Variants in IL17RD observed in about 807,000 individuals in gnomAD.
IL17RD encodes interleukin 17 receptor D, also known as interleukin-17 receptor D.
A neutral mutation model predicts 80.5 loss-of-function variants in IL17RD; 52 were observed. The ratio of observed to expected loss-of-function variants is 0.65; its 90% CI spans 0.52 to 0.81. The LOEUF is 0.81. Ranked by LOEUF, IL17RD falls within the 40% of genes least tolerant of loss-of-function variation. The probability of loss-of-function intolerance (pLI) is 0.00; values close to 1 mark genes in which losing one functional copy is unlikely to be tolerated. For synonymous variants in IL17RD, 416 were observed against 391.8 expected, an observed-to-expected ratio of 1.06 and a Z score of -0.73; for missense variants, 1,024 against 955.1, an observed-to-expected ratio of 1.07 and a Z score of -0.95.
upstream of IL17RD, among the ~76,000 whole-genome samples, chr3:57,167,987 C>T (rs1333648621): frequency 2.0e-5 from 3 of 152,106 alleles, no homozygotes; most frequent in Non-Finnish European, 2.9e-5. Flanking sequence ...CGCAACACTG[C>T]ACCCAGCTAA....
intron 1 of IL17RD, among the ~76,000 whole-genome samples, chr3:57,129,281 G>C (rs1052099718): frequency 2.6e-5 from 4 of 152,124 alleles, no homozygotes; most frequent in African/African-American, 9.7e-5. Flanking sequence ...GCCGTGAAAG[G>C]AACAGTTACA....
At chr3:57,120,731 G>A (rs1372631647) in intron 1 of IL17RD, among the ~76,000 whole-genome samples, 7 of 152,258 alleles carry the variant, frequency 4.6e-5, no homozygotes, top group African/African-American at 9.6e-5. Context: ...ATTAAGCCAC[G>A]ACAGATAGGC....
At chr3:57,132,928 C>A (rs969267866) in intron 1 of IL17RD, among the ~76,000 whole-genome samples, 1 of 152,024 alleles carries the variant, frequency 6.6e-6, no homozygotes, top group Non-Finnish European at 1.5e-5. Context: ...ATGGTATTTG[C>A]GGTCAACACA....
At chr3:57,129,547 T>C (rs1308630927) in intron 1 of IL17RD, among the ~76,000 whole-genome samples, 1 of 152,226 alleles carries the variant, frequency 6.6e-6, no homozygotes, top group African/African-American at 2.4e-5. Context: ...TCTGGAATTC[T>C]GCTTTTACAG....
upstream of IL17RD, among the ~76,000 whole-genome samples, chr3:57,169,782 G>T (rs2060361790): frequency 6.6e-6 from 1 of 152,132 alleles, no homozygotes; most frequent in Admixed American, 6.5e-5. Flanking sequence ...GGTTTCCCAG[G>T]CTTTGGAGGG....
At chr3:57,155,295 G>A (rs918981289) in intron 1 of IL17RD, among the ~76,000 whole-genome samples, 1 of 152,208 alleles carries the variant, frequency 6.6e-6, no homozygotes, top group Non-Finnish European at 1.5e-5. Flanking sequence ...TGCTTAGTTA[G>A]TGCTTAGCAG....
chr3:57,169,739 T>C (rs1457296798), upstream of IL17RD, among the ~76,000 whole-genome samples: 1 of 152,218 alleles, frequency 6.6e-6, no homozygotes, highest in Non-Finnish European at 1.5e-5. Context: ...ACTGTACCCC[T>C]GACCCCAGTC....
upstream of IL17RD, among the ~76,000 whole-genome samples, chr3:57,168,706 G>A (rs765098605): frequency 6.6e-6 from 1 of 152,032 alleles, no homozygotes; most frequent in Non-Finnish European, 1.5e-5. Context: ...TGTTGTTGTT[G>A]TTTTTGTTGT....
chr3:57,153,621 C>T (rs974681012), intron 1 of IL17RD, among the ~76,000 whole-genome samples: 4 of 152,136 alleles, frequency 2.6e-5, no homozygotes, highest in African/African-American at 7.2e-5. Flanking sequence ...TGTAGCAAAA[C>T]GTTATGAATT....
At chr3:57,102,139 A>G (rs999652325) in intron 10 of IL17RD, among the ~76,000 whole-genome samples, 1 of 152,168 alleles carries the variant, frequency 6.6e-6, no homozygotes, top group African/African-American at 2.4e-5. Context: ...ATGGTGGTGC[A>G]TGCCTGTAGT....
Position 57,106,027 on chromosome 3 carries a change from C to A in IL17RD, c.596-19G>T, listed in dbSNP as rs762646607. The stretch of plus-strand genomic sequence containing the variant: ...TTCCAGACTGGAAGAAGGTAGGACC[C>A]AGAGTGAGCAACCAGAGGCTACCCT... On this transcript the variant is annotated intron_variant, in intron 6 of 12. Transcript: ENST00000296318. 2 of 1,613,622 alleles carry A rather than the reference C, an allele frequency of 1.2e-6. No homozygotes were observed. The highest frequency in any genetic ancestry group is 3.3e-5 in the Admixed American group (2 of 60,000).
intron 12 of IL17RD, among the ~76,000 whole-genome samples, chr3:57,097,322 T>C (rs188940616): frequency 1.3e-5 from 2 of 152,216 alleles, no homozygotes; most frequent in Admixed American, 1.3e-4. Flanking sequence ...TTTTTGGAGT[T>C]TAGAAAAGTG....
At chr3:57,123,769 C>T (rs1363901827) in intron 1 of IL17RD, among the ~76,000 whole-genome samples, 5 of 152,176 alleles carry the variant, frequency 3.3e-5, no homozygotes, top group South Asian at 2.1e-4. Context: ...TTTGGCTGCG[C>T]GTGGTGGCTC....
chr3:57,117,465 C>T (rs1219181009), intron 2 of IL17RD, among the ~76,000 whole-genome samples: 1 of 152,126 alleles, frequency 6.6e-6, no homozygotes, highest in Non-Finnish European at 1.5e-5. Context: ...TTGGGCATAC[C>T]ACCTCAGAAT....
At chr3:57,167,282 G>A (rs1352454130), upstream of IL17RD, among the ~76,000 whole-genome samples, 2 of 152,022 alleles carry the variant, frequency 1.3e-5, no homozygotes, top group Non-Finnish European at 2.9e-5. Context: ...TCAGACACCA[G>A]AATAGCTAGG....
chr3:57,149,965 A>T (rs1373729691), intron 1 of IL17RD, among the ~76,000 whole-genome samples: 5 of 152,210 alleles, frequency 3.3e-5, no homozygotes, highest in Non-Finnish European at 4.4e-5. Flanking sequence ...ATATATATGT[A>T]TGTATCCACT....
chr3:57,109,717 T>A, intron 4 of IL17RD, 60 bp from the exon 5 acceptor site: 1 of 1,559,436 alleles, frequency 6.4e-7, no homozygotes, highest in South Asian at 1.2e-5. Flanking sequence ...TCCACCTTCA[T>A]AAGGTCTTCG....
At chr3:57,149,230 A>C (rs573363964) in intron 1 of IL17RD, among the ~76,000 whole-genome samples, 10 of 151,782 alleles carry the variant, frequency 6.6e-5, no homozygotes, top group African/African-American at 9.7e-5. Context: ...CAGGAGGTGG[A>C]AGTTGAAGTG....
intron 11 of IL17RD, among the ~76,000 whole-genome samples, chr3:57,099,813 G>A (rs1470201808): frequency 6.6e-6 from 1 of 152,084 alleles, no homozygotes; most frequent in Non-Finnish European, 1.5e-5. Flanking sequence ...ACTCAGTTAT[G>A]GCAAATCAAT....
Sources: allele counts gnomAD v4.1 joint callset (sites outside exome capture counted in the v4.1 genomes callset), GRCh38; gene constraint gnomAD v4.1.1; transcripts MANE v1.5; gene names NCBI Gene and HGNC (gene_info 2026-07-23, HGNC 2026-07-21).